Variants in ERC2 observed in about 807,000 individuals in gnomAD.
The protein encoded by ERC2 is ERC protein 2.
Under a neutral mutation model 114.8 loss-of-function variants are expected in ERC2, and 42 were observed. The ratio of observed to expected loss-of-function variants is 0.37; its 90% CI spans 0.29 to 0.47. ERC2 has a LOEUF of 0.47. Among genes scored for constraint, ERC2 ranks in the 20% least tolerant of loss-of-function variants. ERC2 has a pLI of 0.99. For synonymous variants in ERC2, 454 were observed against 425.5 expected (o/e 1.07, Z -0.82); for missense variants, 939 against 1,150.7 (o/e 0.82, Z 2.66).
intron 14 of ERC2, among the ~76,000 whole-genome samples, chr3:55,816,604 G>A (rs1190337178): frequency 1.3e-5 from 2 of 152,236 alleles, no homozygotes; most frequent in African/African-American, 4.8e-5. Flanking sequence ...CTGCACTTAT[G>A]CCAGATGCAA....
chr3:56,296,582 C>T (rs1486976847), intron 2 of ERC2, 147 bp from the exon 3 acceptor site: 1 of 784,118 alleles, frequency 1.3e-6, no homozygotes, highest in Non-Finnish European at 2.0e-6. Flanking sequence ...TCCACGGTGA[C>T]TTCAGAAGCA....
At chr3:55,707,773 A>T (rs2063565947) in intron 15 of ERC2, among the ~76,000 whole-genome samples, 1 of 152,220 alleles carries the variant, frequency 6.6e-6, no homozygotes, top group African/African-American at 2.4e-5. Flanking sequence ...TGGGGATTGT[A>T]TTTAAAATCT....
chr3:56,141,024 A>T (rs2080824813), intron 5 of ERC2, among the ~76,000 whole-genome samples: 1 of 152,172 alleles, frequency 6.6e-6, no homozygotes, highest in Non-Finnish European at 1.5e-5. Flanking sequence ...GCTCCACTCA[A>T]AAAACAAAAA....
At chr3:55,679,958 C>T (rs1161700190) in intron 17 of ERC2, among the ~76,000 whole-genome samples, 1 of 152,234 alleles carries the variant, frequency 6.6e-6, no homozygotes, top group Non-Finnish European at 1.5e-5. Flanking sequence ...ACATCTCCTT[C>T]CTCCTTCTTT....
intron 2 of ERC2, among the ~76,000 whole-genome samples, chr3:56,325,985 C>T (rs952655974): frequency 6.6e-6 from 1 of 152,236 alleles, no homozygotes; most frequent in Admixed American, 6.5e-5. Flanking sequence ...GTTGCATGCT[C>T]TTCTTGCAGA....
intron 3 of ERC2, among the ~76,000 whole-genome samples, chr3:56,213,824 A>AT (rs1326939040): frequency 6.6e-5 from 10 of 152,182 alleles, no homozygotes; most frequent in Admixed American, 5.9e-4. Context: ...AAACTTCCAG[A>AT]GGAACAGCAA....
At chr3:56,261,010 G>C (rs915366917) in intron 3 of ERC2, among the ~76,000 whole-genome samples, 46 of 152,222 alleles carry the variant, frequency 3.0e-4, no homozygotes, top group African/African-American at 1.1e-3. Flanking sequence ...CTGTTCAAGT[G>C]TTCAAGAGTC....
intron 2 of ERC2, among the ~76,000 whole-genome samples, chr3:56,352,182 G>C (rs2058578818): frequency 6.6e-6 from 1 of 152,204 alleles, no homozygotes; most frequent in Non-Finnish European, 1.5e-5. Flanking sequence ...AGACAATGTA[G>C]ATAACAGCGT....
At chr3:56,337,148 T>C (rs1237194887) in intron 2 of ERC2, among the ~76,000 whole-genome samples, 1 of 152,110 alleles carries the variant, frequency 6.6e-6, no homozygotes, top group Non-Finnish European at 1.5e-5. Flanking sequence ...AAAGGAAACT[T>C]AATAAACGCT....
intron 12 of ERC2, among the ~76,000 whole-genome samples, chr3:55,961,496 C>T (rs2068360248): frequency 6.6e-6 from 1 of 152,176 alleles, no homozygotes; most frequent in South Asian, 2.1e-4. Context: ...TTTCTGTCTT[C>T]CTTGTTCTGC....
chr3:55,601,676 G>C lies in ERC2; in HGVS notation c.*39+82118C>G, dbSNP rs192701161. On this transcript the variant is annotated intron_variant, in intron 17 of 17. Transcript: ENST00000288221. ...CACTCCTAAATAAGAGAAGGATAAAGAGCCGGGGAGCCGGGTGCGGTGGTT... is the reference window on the plus strand; with the variant it reads ...CACTCCTAAATAAGAGAAGGATAAACAGCCGGGGAGCCGGGTGCGGTGGTT... 2.2e-3 allele frequency among the ~76,000 whole-genome samples: 337 copies of C among 152,310 alleles called. 1 individual carries two copies. Among genetic ancestry groups the C allele is most frequent in the African/African-American group, 7.9e-3 (327 of 41,572 alleles).
intron 1 of ERC2, among the ~76,000 whole-genome samples, chr3:56,436,106 C>T (rs1232491122): frequency 1.3e-5 from 2 of 152,174 alleles, no homozygotes; most frequent in Non-Finnish European, 2.9e-5. Flanking sequence ...CACATTATGG[C>T]CTCCTGTTCT....
chr3:56,236,630 G>A (rs2050965888), intron 3 of ERC2, among the ~76,000 whole-genome samples: 1 of 152,056 alleles, frequency 6.6e-6, no homozygotes. Flanking sequence ...TCAAGCACTG[G>A]GGTCTATTTA....
intron 12 of ERC2, among the ~76,000 whole-genome samples, chr3:55,954,078 A>AT (rs1363492205): frequency 1.5e-4 from 10 of 65,726 alleles, no homozygotes; most frequent in South Asian, 5.8e-4. Context: ...TTGCTCCATT[A>AT]TTTAAAAAAA....
chr3:56,005,057 G>C (rs1323770355), intron 10 of ERC2, among the ~76,000 whole-genome samples: 1 of 151,746 alleles, frequency 6.6e-6, no homozygotes, highest in Non-Finnish European at 1.5e-5. Flanking sequence ...TTAAACTTTT[G>C]AATTTAGTTA....
intron 14 of ERC2, among the ~76,000 whole-genome samples, chr3:55,782,477 G>A (rs2069136480): frequency 6.6e-6 from 1 of 152,022 alleles, no homozygotes; most frequent in Non-Finnish European, 1.5e-5. Context: ...CATTTCACAG[G>A]GCAGGCTGCC....
chr3:55,553,655 C>T (rs960672824), intron 17 of ERC2, among the ~76,000 whole-genome samples: 4 of 151,988 alleles, frequency 2.6e-5, no homozygotes, highest in South Asian at 4.2e-4. Context: ...TGGCGGGCAC[C>T]GGTAGTCCCA....
intron 3 of ERC2, among the ~76,000 whole-genome samples, chr3:56,246,426 A>C (rs768029469): frequency 6.6e-6 from 1 of 152,160 alleles, no homozygotes; most frequent in Admixed American, 6.5e-5. Context: ...GGGGGGCACA[A>C]TCTTCCCCTG....
intron 14 of ERC2, among the ~76,000 whole-genome samples, chr3:55,772,325 T>G (rs1297007961): frequency 6.6e-6 from 1 of 151,826 alleles, no homozygotes; most frequent in Non-Finnish European, 1.5e-5. Context: ...GTATTCTTTT[T>G]TTTTTTTGAG....
Sources: gnomAD v4.1 joint callset for allele counts (sites outside exome capture counted in the v4.1 genomes callset) on GRCh38, gnomAD v4.1.1 for gene constraint, MANE v1.5 for transcripts, NCBI Gene and HGNC (gene_info 2026-07-23, HGNC 2026-07-21) for gene names.